The following TRAF5 variants were observed in gnomAD, a reference collection of about 807,000 sequenced individuals.
TRAF5 encodes the protein TNF receptor-associated factor 5.
Under a neutral mutation model 64.5 loss-of-function variants are expected in TRAF5, and 48 were observed. The observed-to-expected ratio is 0.74, with a 90% CI of 0.59 to 0.95. The LOEUF is 0.95. Among genes scored for constraint, TRAF5 ranks in the 40% least tolerant of loss-of-function variants. TRAF5 has a pLI of 0.00. For synonymous variants in TRAF5, 206 were observed against 240.5 expected (o/e 0.86, Z 1.33); for missense variants, 545 against 662.8 (o/e 0.82, Z 1.95).
chr1:211,338,943 G>T (rs1702375722), intron 1 of TRAF5, among the ~76,000 whole-genome samples: 1 of 152,216 alleles, frequency 6.6e-6, no homozygotes. Flanking sequence ...TGGCAGAAGG[G>T]TTTGAACCCC....
intron 1 of TRAF5, among the ~76,000 whole-genome samples, chr1:211,338,991 C>T (rs941699077): frequency 9.2e-5 from 14 of 152,190 alleles, no homozygotes; most frequent in African/African-American, 2.7e-4. Context: ...AACCAGTAAG[C>T]GGTACTGCCT....
chr1:211,365,568 A>T, intron 8 of TRAF5, 100 bp downstream of exon 8: 1 of 903,332 alleles, frequency 1.1e-6, no homozygotes, highest in South Asian at 1.7e-5. Context: ...TTTCAGTATA[A>T]GTCAATTAGA....
chr1:211,348,334 A>G (rs1702676248), intron 1 of TRAF5, among the ~76,000 whole-genome samples: 1 of 152,226 alleles, frequency 6.6e-6, no homozygotes, highest in Admixed American at 6.5e-5. Flanking sequence ...ATCTTGAAGT[A>G]AATACTTTTA....
At chr1:211,340,671 A>G (rs1483129504) in intron 1 of TRAF5, among the ~76,000 whole-genome samples, 6 of 152,180 alleles carry the variant, frequency 3.9e-5, no homozygotes, top group African/African-American at 1.2e-4. Context: ...TAGCCCTCCT[A>G]GGCTCCTATT....
intron 1 of TRAF5, among the ~76,000 whole-genome samples, chr1:211,332,714 G>A (rs551443096): frequency 2.6e-5 from 4 of 152,314 alleles, no homozygotes; most frequent in Admixed American, 2.6e-4. Flanking sequence ...TAACCCACTA[G>A]GGAGTGAGGG....
intron 2 of TRAF5, 94 bp from the exon 3 acceptor site, chr1:211,354,316 A>G (rs912734126): frequency 4.1e-6 from 5 of 1,222,510 alleles, no homozygotes; most frequent in Non-Finnish European, 5.9e-6. Flanking sequence ...CAGCCTGCCC[A>G]GGGCTAGAGC....
intron 1 of TRAF5, among the ~76,000 whole-genome samples, chr1:211,347,532 A>G (rs961543639): frequency 2.6e-5 from 4 of 152,250 alleles, no homozygotes; most frequent in African/African-American, 7.2e-5. Flanking sequence ...GGACAAGACA[A>G]TAACCGATTA....
chr1:211,354,499 C>T, intron 3 of TRAF5, 32 bp downstream of exon 3: 2 of 1,608,632 alleles, frequency 1.2e-6, no homozygotes, highest in Non-Finnish European at 1.7e-6. Flanking sequence ...TCTAGCAGCT[C>T]TCAGGGTGAT....
At chr1:211,358,847 T>C (rs1393260837) in intron 4 of TRAF5, 2 of 148,364 alleles carry the variant, frequency 1.3e-5, no homozygotes, top group African/African-American at 4.9e-5. Context: ...TACTATAATA[T>C]ATTGTTTATA....
chr1:211,351,193 A>AT (rs927217263), intron 1 of TRAF5, among the ~76,000 whole-genome samples: 1 of 151,636 alleles, frequency 6.6e-6, no homozygotes, highest in African/African-American at 2.4e-5. Context: ...CGCCTGGCTA[A>AT]TTTTTTGTAT....
intron 1 of TRAF5, among the ~76,000 whole-genome samples, chr1:211,334,721 C>T (rs563528633): frequency 6.6e-6 from 1 of 152,148 alleles, no homozygotes; most frequent in Non-Finnish European, 1.5e-5. Context: ...CACAGTGAGC[C>T]GCTCTTAGCA....
chr1:211,374,395 G>A lies in TRAF5; in HGVS notation c.*1693G>A, dbSNP rs987561873. On this transcript the variant is annotated 3_prime_UTR_variant, in exon 11 of 11. Transcript: ENST00000261464. Reference sequence around the variant, plus strand: ...CCATGCACCTTACAATTTCTGAACAGTTAACCCTATAGAAGCATGCTTTAT... The same window carrying A: ...CCATGCACCTTACAATTTCTGAACAATTAACCCTATAGAAGCATGCTTTAT... 7 of 152,412 alleles carry A rather than the reference G, an allele frequency of 4.6e-5. No homozygotes were observed. Among genetic ancestry groups the A allele is most frequent in the African/African-American group, 1.4e-4 (6 of 41,462 alleles). 9.4% of individuals were successfully genotyped at this position (152,412 alleles called of 1,614,324 possible). A position where few individuals can be genotyped will look rare whatever the true frequency, so the allele number is the denominator to read the frequency against.
chr1:211,331,042 C>A (rs2102707394), intron 1 of TRAF5, among the ~76,000 whole-genome samples: 1 of 152,300 alleles, frequency 6.6e-6, no homozygotes, highest in Admixed American at 6.5e-5. Flanking sequence ...TTGTCCGAGG[C>A]CGCCTCTTTC....
intron 1 of TRAF5, among the ~76,000 whole-genome samples, chr1:211,328,287 C>T (rs1014556555): frequency 6.6e-6 from 1 of 152,184 alleles, no homozygotes; most frequent in East Asian, 1.9e-4. Context: ...AAGTGGAAAA[C>T]GCCTAGCTTC....
intron 1 of TRAF5, among the ~76,000 whole-genome samples, chr1:211,336,366 G>C (rs1196431485): frequency 6.6e-6 from 1 of 152,164 alleles, no homozygotes; most frequent in East Asian, 1.9e-4. Context: ...GTGTGTCAGA[G>C]GGAGCGCTGC....
chr1:211,331,669 CTT>C (rs752490519), intron 1 of TRAF5, among the ~76,000 whole-genome samples: 3 of 145,260 alleles, frequency 2.1e-5, no homozygotes, highest in Non-Finnish European at 3.1e-5. Flanking sequence ...AGCAGGCCAT[CTT>C]TTTTTTTTTT....
intron 9 of TRAF5, 67 bp from the exon 10 acceptor site, chr1:211,371,235 T>C: frequency 1.4e-6 from 2 of 1,436,834 alleles, no homozygotes; most frequent in Non-Finnish European, 1.8e-6. Flanking sequence ...AAAAAAATTT[T>C]AATCTCAATG....
At position 211,360,641 on chromosome 1, in the gene TRAF5, T is replaced by G. The variant is rs1572084030; in HGVS notation, c.544-61T>G. The G allele has an allele frequency of 5.4e-6, 7 of 1,294,028 alleles. No homozygotes were observed. The East Asian group carries it at 1.6e-4, about 30-fold the overall frequency. 80.2% of individuals were successfully genotyped at this position (1,294,028 alleles called of 1,614,324 possible). ...CATATAATCCCCAAAGAGACACAGG[T>G]GTAATCACTGTGAGGCCATGAAAGA... On this transcript the variant is annotated intron_variant, in intron 5 of 10. Transcript: ENST00000261464.
intron 9 of TRAF5, among the ~76,000 whole-genome samples, chr1:211,369,891 G>A (rs1355637369): frequency 3.9e-5 from 6 of 152,052 alleles, no homozygotes; most frequent in East Asian, 1.9e-4. Flanking sequence ...AGTACGCTGC[G>A]TATATTATGG....
Sources: gnomAD v4.1 joint callset for allele counts (sites outside exome capture counted in the v4.1 genomes callset) on GRCh38, gnomAD v4.1.1 for gene constraint, MANE v1.5 for transcripts, NCBI Gene and HGNC (gene_info 2026-07-23, HGNC 2026-07-21) for gene names.